The following BNC2 variants were observed in gnomAD, a reference collection of about 807,000 sequenced individuals.
The protein encoded by BNC2 is basonuclin zinc finger protein 2, also known as zinc finger protein basonuclin-2.
In BNC2, 20 loss-of-function variants were observed where a neutral mutation model predicts 76.3. The ratio of observed to expected loss-of-function variants is 0.26; its 90% CI spans 0.18 to 0.38. BNC2 has a LOEUF of 0.38. BNC2 is among the 10% of genes least tolerant of loss of function. The pLI, the probability that BNC2 is intolerant of heterozygous loss-of-function variation, is 1.00. For missense variants in BNC2, 1,382 were observed against 1,399.8 expected (o/e 0.99, Z 0.20); for synonymous variants, 582 against 514.8 (o/e 1.13, Z -1.77).
At chr9:16,758,140 A>G (rs1825442312) in intron 1 of BNC2, among the ~76,000 whole-genome samples, 1 of 152,102 alleles carries the variant, frequency 6.6e-6, no homozygotes, top group South Asian at 2.1e-4. Context: ...TCCTTAGCTT[A>G]GGGCCCAGAT....
rs12555180 is a variant in BNC2 at position 16,721,432 on chromosome 9, T to C, written c.330+6365A>G. Among the ~76,000 whole-genome samples, 495 of 152,256 alleles carry C rather than the reference T, an allele frequency of 3.3e-3. 7 individuals are homozygous for C. In the East Asian group the frequency reaches 0.034, roughly 10 times the overall value. On this transcript the variant is annotated intron_variant, in intron 3 of 6. Coordinates refer to ENST00000380672, the MANE Select transcript of BNC2 (RefSeq NM_017637.6). ...TAGATGAAGATCGCCCAGCAAAATGTAGAAGCCAGCTGCTTTTCTGGAAAT... is the reference window on the plus strand; with the variant it reads ...TAGATGAAGATCGCCCAGCAAAATGCAGAAGCCAGCTGCTTTTCTGGAAAT...
At chr9:16,525,080 G>T (rs557910315) in intron 5 of BNC2, among the ~76,000 whole-genome samples, 2 of 146,816 alleles carry the variant, frequency 1.4e-5, no homozygotes, top group African/African-American at 2.4e-5. Context: ...TGGGGGAGGG[G>T]GGGGGAAGGA....
At chr9:16,491,996 T>G (rs1012375314) in intron 5 of BNC2, among the ~76,000 whole-genome samples, 1 of 152,228 alleles carries the variant, frequency 6.6e-6, no homozygotes, top group Non-Finnish European at 1.5e-5. Flanking sequence ...CAGACCTGAT[T>G]ATAACCGTTT....
At chr9:16,440,404 T>C (rs1381558844) in intron 5 of BNC2, among the ~76,000 whole-genome samples, 2 of 152,194 alleles carry the variant, frequency 1.3e-5, no homozygotes, top group Non-Finnish European at 2.9e-5. Flanking sequence ...ATCTTTCTTG[T>C]ACCATCAAAT....
At chr9:16,606,840 G>C (rs1563860526) in intron 3 of BNC2, among the ~76,000 whole-genome samples, 1 of 152,200 alleles carries the variant, frequency 6.6e-6, no homozygotes, top group Non-Finnish European at 1.5e-5. Context: ...TTAGAGGTGT[G>C]AGCCACCACG....
chr9:16,785,554 C>T (rs1826265471), intron 1 of BNC2, among the ~76,000 whole-genome samples: 2 of 108,242 alleles, frequency 1.8e-5, no homozygotes, highest in Admixed American at 2.4e-4. Context: ...ACCACTACAC[C>T]CGGCTTTTTT....
chr9:16,780,495 C>T (rs927279318), intron 1 of BNC2, among the ~76,000 whole-genome samples: 4 of 151,802 alleles, frequency 2.6e-5, no homozygotes, highest in Non-Finnish European at 2.9e-5. Flanking sequence ...TCGCCTGAAC[C>T]CAGGAGGCGG....
chr9:16,719,113 G>A (rs945742603), intron 3 of BNC2, among the ~76,000 whole-genome samples: 2 of 152,154 alleles, frequency 1.3e-5, no homozygotes, highest in African/African-American at 4.8e-5. Flanking sequence ...GGTCAACAAT[G>A]AGAATGTTTG....
chr9:16,464,492 C>G (rs897296963), intron 5 of BNC2, among the ~76,000 whole-genome samples: 1 of 152,144 alleles, frequency 6.6e-6, no homozygotes, highest in Non-Finnish European at 1.5e-5. Context: ...AAATAACTAG[C>G]ACATCATACA....
chr9:16,550,160 G>C (rs991846862), intron 5 of BNC2, among the ~76,000 whole-genome samples: 1 of 152,024 alleles, frequency 6.6e-6, no homozygotes, highest in African/African-American at 2.4e-5. Flanking sequence ...TTTAAATCAA[G>C]CTTGTCCAAC....
chr9:16,800,929 G>A (rs1246085017), intron 1 of BNC2, among the ~76,000 whole-genome samples: 2 of 152,090 alleles, frequency 1.3e-5, no homozygotes, highest in Non-Finnish European at 2.9e-5. Context: ...TGTTTTAGAA[G>A]CAAAAGGGAA....
At chr9:16,456,087 G>C (rs752378545) in intron 5 of BNC2, among the ~76,000 whole-genome samples, 1 of 152,008 alleles carries the variant, frequency 6.6e-6, no homozygotes, top group Non-Finnish European at 1.5e-5. Context: ...ATCTATTAGA[G>C]GAAGAAAAGG....
At chr9:16,658,587 A>G (rs1470935459) in intron 3 of BNC2, among the ~76,000 whole-genome samples, 2 of 152,160 alleles carry the variant, frequency 1.3e-5, no homozygotes, top group East Asian at 3.9e-4. Flanking sequence ...AACAGTTCCA[A>G]TGTCAAATTC....
intron 5 of BNC2, among the ~76,000 whole-genome samples, chr9:16,441,886 G>A (rs1300880468): frequency 2.0e-5 from 3 of 152,068 alleles, no homozygotes; most frequent in Admixed American, 6.6e-5. Context: ...AGGTATTATC[G>A]TGGAATAAAC....
rs77961293 is a variant in BNC2 at position 16,477,210 on chromosome 9, G to A, written c.670-39686C>T. On this transcript the variant is annotated intron_variant, in intron 5 of 6. Transcript: ENST00000380672. ...AGCTGGAGGTTCCCAAGTGAGCAATGGTCACTCCACTGCCCTCCAGCGTGG... is the reference window on the plus strand; with the variant it reads ...AGCTGGAGGTTCCCAAGTGAGCAATAGTCACTCCACTGCCCTCCAGCGTGG... Among the ~76,000 whole-genome samples the A allele has an allele frequency of 3.9e-3, 590 of 152,222 alleles. 2 individuals carry two copies. The highest frequency in any genetic ancestry group is 0.017 in the Middle Eastern group (5 of 294).
chr9:16,550,358 A>G (rs1818620866), intron 5 of BNC2, among the ~76,000 whole-genome samples: 2 of 152,212 alleles, frequency 1.3e-5, no homozygotes, highest in African/African-American at 2.4e-5. Flanking sequence ...AAAAGATTTG[A>G]CACCCCTGCT....
At chr9:16,740,595 T>A (rs1416364843) in intron 1 of BNC2, among the ~76,000 whole-genome samples, 2 of 152,196 alleles carry the variant, frequency 1.3e-5, no homozygotes, top group Non-Finnish European at 2.9e-5. Flanking sequence ...GATAAAACAT[T>A]CTTTGGAGAA....
At chr9:16,791,041 A>T (rs1335263897) in intron 1 of BNC2, among the ~76,000 whole-genome samples, 2 of 151,944 alleles carry the variant, frequency 1.3e-5, no homozygotes, top group East Asian at 3.9e-4. Flanking sequence ...GTGCTAGTGT[A>T]TGGGATTTTA....
At chr9:16,551,910 C>T (rs1184729372) in intron 5 of BNC2, among the ~76,000 whole-genome samples, 1 of 152,108 alleles carries the variant, frequency 6.6e-6, no homozygotes, top group Non-Finnish European at 1.5e-5. Context: ...ACAAAGGAGA[C>T]ACTCAAGGCT....
Sources: gnomAD v4.1 joint callset for allele counts (sites outside exome capture counted in the v4.1 genomes callset) on GRCh38, gnomAD v4.1.1 for gene constraint, MANE v1.5 for transcripts, NCBI Gene and HGNC (gene_info 2026-07-23, HGNC 2026-07-21) for gene names.